LOC128125817: variants seen among roughly 807,000 people sequenced by gnomAD.
the LOC128125817 span, among the ~76,000 whole-genome samples, chr1:41,611,061 T>C: frequency 6.6e-6 from 1 of 152,342 alleles, no homozygotes; most frequent in East Asian, 1.9e-4. Context: ...AAGAAGGCCG[T>C]AGGCTCAGGG....
At chr1:41,586,175 G>A in the LOC128125817 span, among the ~76,000 whole-genome samples, 9 of 152,350 alleles carry the variant, frequency 5.9e-5, no homozygotes, top group African/African-American at 2.2e-4. Flanking sequence ...TTGCCCTCAA[G>A]TGGAGGAGCA....
chr1:41,607,930 T>G, the LOC128125817 span, among the ~76,000 whole-genome samples: 10,529 of 152,082 alleles, frequency 0.069, 1,031 homozygotes, highest in East Asian at 0.47. Flanking sequence ...CCCTACTCAG[T>G]GGGAACGATA....
chr1:41,617,883 T>C, the LOC128125817 span, among the ~76,000 whole-genome samples: 2 of 151,462 alleles, frequency 1.3e-5, no homozygotes, highest in Non-Finnish European at 2.9e-5. Flanking sequence ...TAAGCATCTT[T>C]TAGTTCAGTG....
the LOC128125817 span, among the ~76,000 whole-genome samples, chr1:41,616,240 C>T: frequency 6.6e-6 from 1 of 152,132 alleles, no homozygotes; most frequent in Non-Finnish European, 1.5e-5. Context: ...TAGAGCACCC[C>T]AAGTGGAACC....
At chr1:41,623,601 C>T in the LOC128125817 span, among the ~76,000 whole-genome samples, 711 of 152,298 alleles carry the variant, frequency 4.7e-3, 2 homozygotes, top group African/African-American at 0.016. Flanking sequence ...TTCCTTGCAC[C>T]CACTGAGTGA....
At chr1:41,625,055 T>A in the LOC128125817 span, among the ~76,000 whole-genome samples, 1 of 150,486 alleles carries the variant, frequency 6.6e-6, no homozygotes, top group African/African-American at 2.4e-5. Context: ...CCCAGCTATT[T>A]GGGAGGCTGA....
At chr1:41,623,857 C>A in the LOC128125817 span, among the ~76,000 whole-genome samples, 1 of 151,948 alleles carries the variant, frequency 6.6e-6, no homozygotes, top group African/African-American at 2.4e-5. Flanking sequence ...CACTGCCTCA[C>A]ACCTTGACCT....
chr1:41,591,945 C>T, the LOC128125817 span, among the ~76,000 whole-genome samples: 15 of 152,200 alleles, frequency 9.9e-5, no homozygotes, highest in Admixed American at 3.3e-4. Flanking sequence ...CTGAGTCCTC[C>T]GATCTGCTGT....
At chr1:41,606,139 C>T in the LOC128125817 span, among the ~76,000 whole-genome samples, 1 of 150,402 alleles carries the variant, frequency 6.6e-6, no homozygotes, top group Non-Finnish European at 1.5e-5. Flanking sequence ...CAGAGTTTTT[C>T]GCATTCAACC....
chr1:41,628,040 G>T, the LOC128125817 span, among the ~76,000 whole-genome samples: 28 of 152,246 alleles, frequency 1.8e-4, 1 homozygote, highest in African/African-American at 6.7e-4. Flanking sequence ...AACCTGTACT[G>T]AAGCCTGAAC....
the LOC128125817 span, among the ~76,000 whole-genome samples, chr1:41,620,341 T>A: frequency 6.6e-6 from 1 of 152,210 alleles, no homozygotes; most frequent in Non-Finnish European, 1.5e-5. Flanking sequence ...CATGACATAG[T>A]TTCTTTTAGG....
the LOC128125817 span, among the ~76,000 whole-genome samples, chr1:41,606,990 T>A: frequency 3.3e-5 from 5 of 152,096 alleles, no homozygotes; most frequent in East Asian, 1.9e-4. Context: ...CTTTTTTTTT[T>A]ATTTTTATTT....
the LOC128125817 span, among the ~76,000 whole-genome samples, chr1:41,593,873 C>T: frequency 6.6e-6 from 1 of 152,192 alleles, no homozygotes; most frequent in Non-Finnish European, 1.5e-5. Context: ...TCTGGGGGCC[C>T]TAGAGGAGAA....
At chr1:41,588,824 G>A in the LOC128125817 span, among the ~76,000 whole-genome samples, 1 of 152,096 alleles carries the variant, frequency 6.6e-6, no homozygotes, top group Non-Finnish European at 1.5e-5. Context: ...AGCCACACTG[G>A]GGCTTGGACT....
chr1:41,626,502 G>C, the LOC128125817 span, among the ~76,000 whole-genome samples: 80 of 152,316 alleles, frequency 5.3e-4, no homozygotes, highest in South Asian at 0.016. Flanking sequence ...CACGAAGCGG[G>C]GGGAGGGGAG....
chr1:41,622,585 C>A, the LOC128125817 span, among the ~76,000 whole-genome samples: 2 of 152,306 alleles, frequency 1.3e-5, no homozygotes, highest in African/African-American at 4.8e-5. Context: ...GCTGCAATGA[C>A]AAAGTCAAGA....
At chr1:41,595,605 G>A in the LOC128125817 span, among the ~76,000 whole-genome samples, 5 of 152,150 alleles carry the variant, frequency 3.3e-5, no homozygotes, top group South Asian at 2.1e-4. Flanking sequence ...GATTAATATC[G>A]AATGTCAACT....
chr1:41,624,087 C>T, the LOC128125817 span, among the ~76,000 whole-genome samples: 1 of 152,166 alleles, frequency 6.6e-6, no homozygotes, highest in Non-Finnish European at 1.5e-5. Context: ...ACATGGCCTC[C>T]CTGGGTTGCG....
the LOC128125817 span, among the ~76,000 whole-genome samples, chr1:41,614,685 A>T: frequency 6.6e-6 from 1 of 152,242 alleles, no homozygotes; most frequent in Non-Finnish European, 1.5e-5. Flanking sequence ...CCCAGGGGAA[A>T]TGAAAGACCA....
Sources: gnomAD v4.1 joint callset for allele counts (sites outside exome capture counted in the v4.1 genomes callset) on GRCh38, gnomAD v4.1.1 for gene constraint, MANE v1.5 for transcripts.